The following RGS7 variants were observed in gnomAD, a reference collection of about 807,000 sequenced individuals.
RGS7 encodes the protein regulator of G-protein signaling 7.
A neutral mutation model predicts 81.1 loss-of-function variants in RGS7; 27 were observed. The observed-to-expected ratio is 0.33, with a 90% CI of 0.25 to 0.46. RGS7 has a LOEUF of 0.46. Ranked by LOEUF, RGS7 falls within the 20% of genes least tolerant of loss-of-function variation. The probability of loss-of-function intolerance (pLI) is 1.00; values close to 1 mark genes in which losing one functional copy is unlikely to be tolerated. For missense variants in RGS7, 396 were observed against 607.4 expected (o/e 0.65, Z 3.66); for synonymous variants, 208 against 207.7 (o/e 1.00, Z -0.01).
intron 3 of RGS7, among the ~76,000 whole-genome samples, chr1:241,091,842 G>A (rs1001953111): frequency 1.6e-4 from 25 of 152,132 alleles, no homozygotes; most frequent in Admixed American, 1.6e-3. Context: ...AGCCATGACT[G>A]TGCCACTGTG....
intron 2 of RGS7, among the ~76,000 whole-genome samples, chr1:241,338,703 T>C (rs2082373290): frequency 6.7e-6 from 1 of 149,636 alleles, no homozygotes; most frequent in South Asian, 2.1e-4. Flanking sequence ...TAAGAGATAA[T>C]ATATAGTATA....
chr1:241,166,099 CA>C (rs2070210691), intron 2 of RGS7, among the ~76,000 whole-genome samples: 1 of 152,078 alleles, frequency 6.6e-6, no homozygotes, highest in Admixed American at 6.6e-5. Flanking sequence ...GGGTGGGGAA[CA>C]GGGGTAGAAT....
chr1:241,320,621 T>C (rs988026401), intron 2 of RGS7, among the ~76,000 whole-genome samples: 2 of 152,216 alleles, frequency 1.3e-5, no homozygotes, highest in African/African-American at 4.8e-5. Flanking sequence ...TTTAATTAAA[T>C]AGTATCATTC....
intron 18 of RGS7, among the ~76,000 whole-genome samples, chr1:240,797,877 A>G (rs1034406947): frequency 3.3e-5 from 5 of 152,242 alleles, no homozygotes; most frequent in African/African-American, 1.2e-4. Flanking sequence ...TAAACAAGAC[A>G]TGAAAAGGAG....
At chr1:241,328,951 G>A (rs1423287757) in intron 2 of RGS7, among the ~76,000 whole-genome samples, 3 of 151,914 alleles carry the variant, frequency 2.0e-5, no homozygotes, top group Non-Finnish European at 2.9e-5. Flanking sequence ...CTTGTATCTA[G>A]AAATCAACAA....
At chr1:241,228,361 G>A (rs1398086474) in intron 2 of RGS7, among the ~76,000 whole-genome samples, 3 of 151,878 alleles carry the variant, frequency 2.0e-5, no homozygotes, top group South Asian at 2.1e-4. Flanking sequence ...ACACAGAAAC[G>A]GTACGCACAA....
chr1:241,180,222 A>T (rs550337919), intron 2 of RGS7, among the ~76,000 whole-genome samples: 1 of 152,176 alleles, frequency 6.6e-6, no homozygotes, highest in South Asian at 2.1e-4. Flanking sequence ...AAAAATACAA[A>T]AAATTAGCCG....
At chr1:240,913,922 AT>A (rs1369465436) in intron 6 of RGS7, among the ~76,000 whole-genome samples, 2 of 148,766 alleles carry the variant, frequency 1.3e-5, no homozygotes, top group African/African-American at 5.0e-5. Context: ...TTTTTTTATT[AT>A]TATTATACTT....
intron 10 of RGS7, chr1:240,823,489 G>A (rs1468543621): frequency 5.1e-6 from 1 of 194,220 alleles, no homozygotes; most frequent in Non-Finnish European, 1.1e-5. Flanking sequence ...GCGTTCTACG[G>A]AGCCGCCATC....
intron 2 of RGS7, among the ~76,000 whole-genome samples, chr1:241,102,721 C>A (rs1476882188): frequency 6.6e-6 from 1 of 152,066 alleles, no homozygotes; most frequent in African/African-American, 2.4e-5. Flanking sequence ...AAATACTAAA[C>A]CTCCTAAGAA....
intron 6 of RGS7, among the ~76,000 whole-genome samples, chr1:240,891,817 T>C (rs2148147599): frequency 6.6e-6 from 1 of 152,332 alleles, no homozygotes; most frequent in African/African-American, 2.4e-5. Flanking sequence ...CTTCCATATA[T>C]GTTATCTCCT....
chr1:241,181,718 A>G (rs547659453), intron 2 of RGS7, among the ~76,000 whole-genome samples: 2 of 152,232 alleles, frequency 1.3e-5, no homozygotes, highest in South Asian at 4.1e-4. Context: ...TTTGTTTTAG[A>G]CACTGGGTCT....
intron 6 of RGS7, chr1:240,919,991 A>T (rs1673233673): frequency 1.5e-6 from 2 of 1,344,270 alleles, no homozygotes; most frequent in East Asian, 4.6e-5. Flanking sequence ...GCATTAAAGA[A>T]GACACAGAAG....
intron 9 of RGS7, among the ~76,000 whole-genome samples, chr1:240,831,411 T>C (rs1693812638): frequency 1.3e-5 from 2 of 152,220 alleles, no homozygotes; most frequent in Admixed American, 1.3e-4. Context: ...ATAATTTTTC[T>C]TGAATTCTCT....
chr1:241,201,593 C>A (rs2073502746), intron 2 of RGS7, among the ~76,000 whole-genome samples: 1 of 152,066 alleles, frequency 6.6e-6, no homozygotes, highest in Admixed American at 6.6e-5. Context: ...AATAAATTAG[C>A]CCTTCATTTC....
chr1:240,927,051 G>GT (rs949877799), intron 6 of RGS7, among the ~76,000 whole-genome samples: 59 of 151,198 alleles, frequency 3.9e-4, no homozygotes, highest in Middle Eastern at 6.9e-3. Context: ...AAATAAACTG[G>GT]TTTTTTTTGT....
chr1:240,848,690 A>C (rs757091749), intron 9 of RGS7, among the ~76,000 whole-genome samples: 20 of 152,006 alleles, frequency 1.3e-4, no homozygotes, highest in Non-Finnish European at 4.4e-5. Flanking sequence ...CACAAGAAAA[A>C]TCTAAGATGC....
At chr1:240,996,156 C>T (rs537814720) in intron 3 of RGS7, among the ~76,000 whole-genome samples, 13 of 152,160 alleles carry the variant, frequency 8.5e-5, no homozygotes, top group South Asian at 4.1e-4. Flanking sequence ...AGAGAACATA[C>T]TTGGTATAAT....
At chr1:241,242,877 T>C (rs2076331827) in intron 2 of RGS7, among the ~76,000 whole-genome samples, 3 of 152,240 alleles carry the variant, frequency 2.0e-5, no homozygotes, top group African/African-American at 7.2e-5. Flanking sequence ...ATTCTGGATA[T>C]TAGTCCTTTG....
Sources: allele counts gnomAD v4.1 joint callset (sites outside exome capture counted in the v4.1 genomes callset), GRCh38; gene constraint gnomAD v4.1.1; transcripts MANE v1.5; gene names NCBI Gene and HGNC (gene_info 2026-07-23, HGNC 2026-07-21).